The following PRPF39 variants were observed in gnomAD, a reference collection of about 807,000 sequenced individuals.
PRPF39 encodes the protein pre-mRNA processing factor 39, also known as pre-mRNA-processing factor 39.
In PRPF39, 27 loss-of-function variants were observed where a neutral mutation model predicts 82.1. The ratio of observed to expected loss-of-function variants is 0.33; its 90% CI spans 0.24 to 0.45. PRPF39 has a LOEUF of 0.45. Among genes scored for constraint, PRPF39 ranks in the 20% least tolerant of loss-of-function variants. The pLI is 1.00. For missense variants in PRPF39, 581 were observed against 796.9 expected (o/e 0.73, Z 3.26); for synonymous variants, 261 against 256.4 (o/e 1.02, Z -0.17).
At chr14:45,101,254 G>A (rs1272070219) in intron 4 of PRPF39, among the ~76,000 whole-genome samples, 4 of 152,128 alleles carry the variant, frequency 2.6e-5, no homozygotes, top group South Asian at 2.1e-4. Flanking sequence ...ATTTTTTAGC[G>A]CTTTATTGAA....
At chr14:45,101,602 A>G (rs1884376758) in intron 4 of PRPF39, among the ~76,000 whole-genome samples, 2 of 151,922 alleles carry the variant, frequency 1.3e-5, no homozygotes, top group African/African-American at 4.8e-5. Flanking sequence ...AGTAGCTCGG[A>G]TTACAGATGT....
chr14:45,092,133 G>A (rs751921253), intron 1 of PRPF39, among the ~76,000 whole-genome samples: 22 of 152,308 alleles, frequency 1.4e-4, no homozygotes, highest in Non-Finnish European at 2.6e-4. Flanking sequence ...CTTTCTCAGA[G>A]CTCTGCAGCT....
chr14:45,089,873 G>A (rs376752633), intron 1 of PRPF39, among the ~76,000 whole-genome samples: 1 of 152,184 alleles, frequency 6.6e-6, no homozygotes, highest in South Asian at 2.1e-4. Context: ...TTGACTCTGT[G>A]ATTTGTGAAG....
intron 10 of PRPF39, among the ~76,000 whole-genome samples, chr14:45,111,231 T>G (rs1404279705): frequency 6.6e-6 from 1 of 152,210 alleles, no homozygotes; most frequent in African/African-American, 2.4e-5. Context: ...ATATATCAAT[T>G]GAAAAAGGCA....
chr14:45,095,635 C>G, intron 2 of PRPF39, 72 bp downstream of exon 2: 1 of 1,424,592 alleles, frequency 7.0e-7, no homozygotes, highest in South Asian at 1.5e-5. Flanking sequence ...AAACAGTAGA[C>G]CTTATTGTTT....
chr14:45,093,624 C>T (rs1325689167), intron 1 of PRPF39, among the ~76,000 whole-genome samples: 11 of 149,508 alleles, frequency 7.4e-5, no homozygotes, highest in Admixed American at 6.0e-4. Context: ...GGCATGATCT[C>T]GGCTCACTGT....
At chr14:45,088,567 A>G (rs1002774439) in intron 1 of PRPF39, among the ~76,000 whole-genome samples, 2 of 152,218 alleles carry the variant, frequency 1.3e-5, no homozygotes, top group Admixed American at 1.3e-4. Context: ...ATGAGGTTGA[A>G]TCTTAGCTCT....
intron 4 of PRPF39, among the ~76,000 whole-genome samples, chr14:45,100,485 G>GGC (rs1183509819): frequency 6.6e-6 from 1 of 152,116 alleles, no homozygotes. Flanking sequence ...CCCATAGCTG[G>GGC]GCGGGAAAGT....
Position 45,109,708 on chromosome 14 carries a change from T to A in PRPF39, c.1104T>A (p.Thr368=), listed in dbSNP as rs370760891. The change falls in exon 8 of 14, where the codon ACT becomes ACA. Residue 368 remains threonine (T), a synonymous_variant. Coordinates refer to ENST00000355765, the MANE Select transcript of PRPF39 (RefSeq NM_017922.4). The part of the protein sequence containing the change: ...EYLEFEIENG[T]HERVVVLFER... ...TAGAATTTGAAATTGAAAATGGGAC[T>A]CATGAACGAGTTGTGGTTCTCTTTG... The A allele has an allele frequency of 1.3e-5, 21 of 1,608,778 alleles. No individual in the cohort carries two copies. Among genetic ancestry groups the A allele is most frequent in the Non-Finnish European group, 1.8e-5 (21 of 1,177,176 alleles).
At chr14:45,093,679 C>G (rs1036346913) in intron 1 of PRPF39, among the ~76,000 whole-genome samples, 1 of 152,034 alleles carries the variant, frequency 6.6e-6, no homozygotes, top group African/African-American at 2.4e-5. Flanking sequence ...CCTCAGCCTC[C>G]TGAGTAGCTG....
chr14:45,101,966 C>T (rs2139052830), intron 4 of PRPF39, among the ~76,000 whole-genome samples: 1 of 152,060 alleles, frequency 6.6e-6, no homozygotes. Flanking sequence ...GCCACCATGC[C>T]TGGCTAATTT....
intron 10 of PRPF39, among the ~76,000 whole-genome samples, chr14:45,111,459 C>T (rs1884693130): frequency 6.6e-6 from 1 of 151,720 alleles, no homozygotes; most frequent in Admixed American, 6.6e-5. Context: ...CTCAGCCTCC[C>T]GAGTAGCTGG....
At chr14:45,090,912 TCC>T (rs1245233519) in intron 1 of PRPF39, among the ~76,000 whole-genome samples, 1 of 152,206 alleles carries the variant, frequency 6.6e-6, no homozygotes, top group African/African-American at 2.4e-5. Flanking sequence ...TCCCATTTTT[TCC>T]TTTCAAATTT....
intron 5 of PRPF39, among the ~76,000 whole-genome samples, chr14:45,105,252 TAA>T (rs1428456696): frequency 1.3e-5 from 2 of 152,196 alleles, no homozygotes; most frequent in Admixed American, 6.5e-5. Flanking sequence ...GATGTAGCAA[TAA>T]GTCATTTTAG....
At chr14:45,105,245 G>T (rs1884491495) in intron 5 of PRPF39, among the ~76,000 whole-genome samples, 1 of 152,126 alleles carries the variant, frequency 6.6e-6, no homozygotes, top group Non-Finnish European at 1.5e-5. Flanking sequence ...GTTACATGAT[G>T]TAGCAATAAG....
chr14:45,110,786 A>G lies in PRPF39; in HGVS notation c.1541A>G (p.Lys514Arg). Reference sequence around the variant, plus strand: ...CAGAAAAACCTTCCAAAATCAAGAAAGGTGCTTTTGGAAGCAATCGAAAGA... The same window carrying G: ...CAGAAAAACCTTCCAAAATCAAGAAGGGTGCTTTTGGAAGCAATCGAAAGA... ...KIQKNLPKSR[K>R]VLLEAIERDK... The change falls in exon 10 of 14, where the codon AAG becomes AGG. Residue 514 changes from lysine to arginine, a missense_variant. Lys to Arg is a conservative substitution (Grantham distance 26). Coordinates refer to ENST00000355765, the MANE Select transcript of PRPF39 (RefSeq NM_017922.4). This position sits in a 1 kb window ranked among gnomAD's most constrained non-coding sequence, Gnocchi z 4.0. 6.4e-7 allele frequency: 1 copy of G among 1,553,388 alleles called. No individual in the cohort carries two copies.
chr14:45,108,274 C>T (rs1000806081), intron 6 of PRPF39, 141 bp from the exon 7 acceptor site: 4 of 935,946 alleles, frequency 4.3e-6, no homozygotes, highest in Non-Finnish European at 5.8e-6. Flanking sequence ...TTGGATTTTG[C>T]ACATAATTGC....
chr14:45,095,975 C>T, intron 2 of PRPF39, 128 bp from the exon 3 acceptor site: 1 of 769,004 alleles, frequency 1.3e-6, no homozygotes. Flanking sequence ...GGCAGAGCAG[C>T]CTGCATGTGG....
In PRPF39 at chr14:45,096,145, A is replaced by G. The variant is rs370559406; in HGVS notation, c.367A>G (p.Ile123Val). The G allele has an allele frequency of 1.3e-6, 2 of 1,584,816 alleles. No individual in the cohort carries two copies. The highest frequency in any genetic ancestry group is 1.2e-5 in the South Asian group (1 of 86,828). ...AARKAFDRFF[I>V]HYPYCYGYWK... is the part of the protein sequence containing the mutation. ...CAGGAAGGCATTTGACAGATTTTTC[A>G]TACACTATCCGTATTGCTATGGTTA... Residue 123 changes from isoleucine to valine, a missense_variant, in exon 3 of 14, where the codon ATA becomes GTA. Coordinates refer to ENST00000355765, the MANE Select transcript of PRPF39 (RefSeq NM_017922.4).
Sources: gnomAD v4.1 joint callset for allele counts (sites outside exome capture counted in the v4.1 genomes callset) on GRCh38, gnomAD v4.1.1 for gene constraint, Gnocchi (gnomAD v3.1) non-coding constraint, MANE v1.5 for transcripts, NCBI Gene and HGNC (gene_info 2026-07-23, HGNC 2026-07-21) for gene names.